LRMDA: variants seen among roughly 807,000 people sequenced by gnomAD.
The protein encoded by LRMDA is leucine-rich melanocyte differentiation-associated protein.
A neutral mutation model predicts 29.8 loss-of-function variants in LRMDA; 18 were observed. The observed-to-expected ratio is 0.60, with a 90% CI of 0.42 to 0.90. The LOEUF (loss-of-function observed/expected upper bound fraction) is 0.90. Ranked by LOEUF, LRMDA falls within the 40% of genes least tolerant of loss-of-function variation. The probability of loss-of-function intolerance (pLI) is 0.00; values close to 1 mark genes in which losing one functional copy is unlikely to be tolerated. For missense variants in LRMDA, 273 were observed against 273.9 expected (o/e 1.00, Z 0.02); for synonymous variants, 125 against 109.4 (o/e 1.14, Z -0.89).
chr10:76,345,060 C>CTTTTTTTT (rs60233969), intron 6 of LRMDA, among the ~76,000 whole-genome samples: 4 of 77,612 alleles, frequency 5.2e-5, no homozygotes, highest in East Asian at 4.2e-4. Context: ...AACACAAAAC[C>CTTTTTTTT]TTTTTTTTTT....
intron 2 of LRMDA, among the ~76,000 whole-genome samples, chr10:75,863,237 G>C (rs1461544573): frequency 6.6e-6 from 1 of 152,298 alleles, no homozygotes; most frequent in East Asian, 1.9e-4. Flanking sequence ...TTAGCGTTGG[G>C]GGGAGGGGAA....
chr10:76,205,957 T>C (rs1851526146), intron 5 of LRMDA, among the ~76,000 whole-genome samples: 1 of 152,150 alleles, frequency 6.6e-6, no homozygotes, highest in African/African-American at 2.4e-5. Flanking sequence ...TGAATTAGCA[T>C]CCACCTTTTA....
At chr10:76,178,155 G>A (rs1284853455) in intron 5 of LRMDA, among the ~76,000 whole-genome samples, 1 of 152,190 alleles carries the variant, frequency 6.6e-6, no homozygotes, top group Admixed American at 6.5e-5. Flanking sequence ...AGTGGCCCTT[G>A]CGATACCCTG....
chr10:75,613,371 G>C (rs1233413502), intron 2 of LRMDA, among the ~76,000 whole-genome samples: 1 of 152,182 alleles, frequency 6.6e-6, no homozygotes, highest in African/African-American at 2.4e-5. Context: ...TGGAGACCAG[G>C]CAATGAGTGG....
At chr10:76,153,262 A>T (rs182778216) in intron 5 of LRMDA, among the ~76,000 whole-genome samples, 173 of 152,232 alleles carry the variant, frequency 1.1e-3, no homozygotes, top group Non-Finnish European at 1.2e-3. Flanking sequence ...CACCCATTCT[A>T]TAGGTTGTAT....
chr10:75,923,151 TC>T (rs1846054738), intron 2 of LRMDA, among the ~76,000 whole-genome samples: 1 of 152,236 alleles, frequency 6.6e-6, no homozygotes, highest in African/African-American at 2.4e-5. Flanking sequence ...CATTACATCT[TC>T]CATAGTCACT....
chr10:75,447,403 A>C (rs770587760), intron 2 of LRMDA, among the ~76,000 whole-genome samples: 2 of 151,994 alleles, frequency 1.3e-5, no homozygotes, highest in Non-Finnish European at 2.9e-5. Context: ...GTGGGTGCTT[A>C]TAATCCTAGC....
At chr10:76,361,491 T>C (rs1272794894) in intron 6 of LRMDA, among the ~76,000 whole-genome samples, 1 of 152,132 alleles carries the variant, frequency 6.6e-6, no homozygotes, top group Non-Finnish European at 1.5e-5. Flanking sequence ...GGCTTATTTG[T>C]GCTGGATCGA....
In LRMDA at chr10:76,182,378, G is replaced by A. The variant is rs915221353; in HGVS notation, c.516+123595G>A. Among the ~76,000 whole-genome samples, 11 of 152,290 alleles carry A rather than the reference G, an allele frequency of 7.2e-5. No individual in the cohort carries two copies. In the South Asian group the frequency reaches 2.1e-3, roughly 29 times the overall value. On this transcript the variant is annotated intron_variant, in intron 5 of 6. Coordinates refer to ENST00000611255, the MANE Select transcript of LRMDA (RefSeq NM_001305581.2). ...CTTCCCTCGACATGTGGGGATTACA[G>A]TTCAAGGTGAGATTTGGGTGGGGAC... is the stretch of plus-strand genomic sequence containing the variant.
chr10:75,507,110 C>CT (rs147220513), intron 2 of LRMDA, among the ~76,000 whole-genome samples: 37,980 of 144,224 alleles, frequency 0.26, 4,967 homozygotes, highest in Non-Finnish European at 0.29. Flanking sequence ...GTTCTGGCAT[C>CT]TTTTTTTTTT....
At chr10:75,744,814 C>G (rs1174806359) in intron 2 of LRMDA, among the ~76,000 whole-genome samples, 1 of 152,166 alleles carries the variant, frequency 6.6e-6, no homozygotes, top group South Asian at 2.1e-4. Flanking sequence ...AGGGGACATT[C>G]CTGGCCACTG....
chr10:75,534,326 C>T (rs1171286807), intron 2 of LRMDA, among the ~76,000 whole-genome samples: 1 of 152,132 alleles, frequency 6.6e-6, no homozygotes, highest in African/African-American at 2.4e-5. Flanking sequence ...GACAGTGGTC[C>T]TCCTGGGACT....
intron 6 of LRMDA, among the ~76,000 whole-genome samples, chr10:76,392,995 G>A (rs1296754297): frequency 3.3e-5 from 5 of 152,106 alleles, no homozygotes; most frequent in African/African-American, 7.2e-5. Context: ...GTTCATCCAT[G>A]TTGTTGCAAA....
intron 5 of LRMDA, among the ~76,000 whole-genome samples, chr10:76,245,755 C>G (rs889158629): frequency 6.6e-6 from 1 of 152,178 alleles, no homozygotes; most frequent in African/African-American, 2.4e-5. Flanking sequence ...TGCCCTTATA[C>G]TATGACAGCT....
intron 2 of LRMDA, among the ~76,000 whole-genome samples, chr10:75,666,244 A>C (rs1042916848): frequency 6.6e-6 from 1 of 152,204 alleles, no homozygotes; most frequent in Admixed American, 6.5e-5. Flanking sequence ...CAGTATGTTT[A>C]TATGACCACA....
intron 6 of LRMDA, among the ~76,000 whole-genome samples, chr10:76,448,707 A>C (rs752327102): frequency 2.6e-5 from 4 of 151,444 alleles, no homozygotes; most frequent in Admixed American, 6.6e-5. Flanking sequence ...CTGTTTTAAT[A>C]TTTTCCATTT....
intron 6 of LRMDA, among the ~76,000 whole-genome samples, chr10:76,555,687 T>C (rs561308876): frequency 1.5e-4 from 23 of 151,664 alleles, no homozygotes; most frequent in African/African-American, 5.6e-4. Context: ...TCTTTTACAG[T>C]TGCAAAAATA....
At chr10:76,454,898 G>T (rs1842442052) in intron 6 of LRMDA, among the ~76,000 whole-genome samples, 1 of 152,168 alleles carries the variant, frequency 6.6e-6, no homozygotes, top group Admixed American at 6.5e-5. Flanking sequence ...AGAATCCAGG[G>T]CAGGGATCTG....
intron 6 of LRMDA, among the ~76,000 whole-genome samples, chr10:76,421,605 T>TA (rs1413437623): frequency 1.3e-5 from 2 of 152,220 alleles, no homozygotes; most frequent in Non-Finnish European, 2.9e-5. Context: ...ATATACCAAT[T>TA]AAATTATTAG....
Sources: allele counts gnomAD v4.1 joint callset (sites outside exome capture counted in the v4.1 genomes callset), GRCh38; gene constraint gnomAD v4.1.1; transcripts MANE v1.5; gene names NCBI Gene and HGNC (gene_info 2026-07-23, HGNC 2026-07-21).